The following COL25A1 variants were observed in gnomAD, a reference collection of about 807,000 sequenced individuals.
The protein encoded by COL25A1 is collagen type XXV alpha 1 chain, also known as collagen alpha-1(XXV) chain.
COL25A1 carries 103 observed loss-of-function variants against 128.4 expected under a neutral mutation model. The observed-to-expected ratio is 0.80, with a 90% confidence interval of 0.68 to 0.94. COL25A1 has a LOEUF of 0.94. COL25A1 is among the 40% of genes least tolerant of loss of function. The pLI is 0.00. For synonymous variants in COL25A1, 279 were observed against 277.2 expected (o/e 1.01, Z -0.06); for missense variants, 745 against 840.0 (o/e 0.89, Z 1.40).
chr4:109,082,637 T>A (rs544703992), intron 3 of COL25A1, among the ~76,000 whole-genome samples: 40 of 152,372 alleles, frequency 2.6e-4, no homozygotes, highest in African/African-American at 8.9e-4. Flanking sequence ...ATTTTAAAAT[T>A]GGTTTGTCTT....
chr4:108,863,333 C>T lies in COL25A1; in HGVS notation c.1138G>A (p.Ala380Thr). 1 of 1,613,820 alleles carries T rather than the reference C, an allele frequency of 6.2e-7. No homozygotes were observed. The highest frequency in any genetic ancestry group is 8.5e-7 in the Non-Finnish European group (1 of 1,179,908). ...GAATAACTCACCTTTGGTCCGGGGG[C>T]TCCAGGTTCCCCTCGCTCACCTCTT... The part of the protein sequence containing the change: ...PGRGERGEPG[A>T]PGPKGKQGES... The change falls in exon 21 of 38, where the codon GCC becomes ACC. Residue 380 changes from alanine (A) to threonine (T), a missense_variant. By Grantham distance (58) the Ala-to-Thr change is moderately conservative. Transcript: ENST00000399132.
chr4:108,858,705 A>T (rs573495668), intron 24 of COL25A1, among the ~76,000 whole-genome samples: 1 of 152,306 alleles, frequency 6.6e-6, no homozygotes, highest in Admixed American at 6.5e-5. Flanking sequence ...GTGGAAGAAC[A>T]CAGAGGGAGT....
intron 5 of COL25A1, among the ~76,000 whole-genome samples, chr4:109,047,199 G>C (rs1301895394): frequency 2.0e-5 from 3 of 152,182 alleles, no homozygotes; most frequent in African/African-American, 7.2e-5. Flanking sequence ...ACATTTGGCA[G>C]ACTGGCAAAT....
At chr4:109,237,417 A>T (rs1000249323) in intron 3 of COL25A1, among the ~76,000 whole-genome samples, 1 of 152,030 alleles carries the variant, frequency 6.6e-6, no homozygotes, top group Non-Finnish European at 1.5e-5. Flanking sequence ...TTTGGGGGAA[A>T]ATTAGGGTCC....
At chr4:108,899,593 C>T (rs994786552) in intron 14 of COL25A1, among the ~76,000 whole-genome samples, 1 of 152,026 alleles carries the variant, frequency 6.6e-6, no homozygotes, top group African/African-American at 2.4e-5. Context: ...TCAAAGTGTT[C>T]CCCGGTTCAT....
chr4:108,847,158 G>A (rs564111602), intron 27 of COL25A1, among the ~76,000 whole-genome samples: 48 of 152,042 alleles, frequency 3.2e-4, no homozygotes, highest in African/African-American at 1.1e-3. Flanking sequence ...TGCTCACCTT[G>A]GCCTCCCAAA....
chr4:109,022,837 T>G (rs929799650), intron 5 of COL25A1, among the ~76,000 whole-genome samples: 3 of 152,172 alleles, frequency 2.0e-5, no homozygotes, highest in Non-Finnish European at 2.9e-5. Context: ...TCAAAGGCTG[T>G]GTAACACTGC....
intron 3 of COL25A1, among the ~76,000 whole-genome samples, chr4:109,119,419 GA>G (rs539680382): frequency 6.6e-6 from 1 of 151,862 alleles, no homozygotes; most frequent in Non-Finnish European, 1.5e-5. Context: ...TGGTTCTTTG[GA>G]AAAAATCAAT....
intron 8 of COL25A1, among the ~76,000 whole-genome samples, chr4:108,970,799 G>T (rs1418660925): frequency 6.6e-6 from 1 of 152,052 alleles, no homozygotes; most frequent in Non-Finnish European, 1.5e-5. Flanking sequence ...AGATCATGCA[G>T]TTATTTATCT....
In COL25A1 at chr4:109,066,083, T is replaced by G. The variant is rs549631817; in HGVS notation, c.368-15904A>C. Among the ~76,000 whole-genome samples, 3 of 152,278 alleles carry G rather than the reference T, an allele frequency of 2.0e-5. No individual in the cohort carries two copies. In the East Asian group the frequency reaches 5.8e-4, roughly 29 times the overall value. ...CAAAGCTTAGTGACAGCTGCAGAAA[T>G]GTACTCAGTGAAGCTAAAATAGACT... On this transcript the variant is annotated intron_variant, in intron 3 of 37. Coordinates refer to ENST00000399132, the MANE Select transcript of COL25A1 (RefSeq NM_198721.4).
chr4:109,137,400 C>A (rs974073716), intron 3 of COL25A1, among the ~76,000 whole-genome samples: 13 of 152,170 alleles, frequency 8.5e-5, no homozygotes, highest in Admixed American at 1.3e-4. Context: ...CCTCACTCCT[C>A]AAATTAATCA....
chr4:108,838,435 A>C (rs1734057873), intron 31 of COL25A1, among the ~76,000 whole-genome samples: 1 of 152,218 alleles, frequency 6.6e-6, no homozygotes, highest in African/African-American at 2.4e-5. Context: ...TTGAATTCCT[A>C]AATTTTTCAG....
intron 5 of COL25A1, among the ~76,000 whole-genome samples, chr4:109,029,292 C>G (rs998381139): frequency 1.3e-5 from 2 of 152,130 alleles, no homozygotes; most frequent in African/African-American, 4.8e-5. Flanking sequence ...CACTCCATCC[C>G]GCCCAATACA....
chr4:108,886,442 T>TTGTGTGTG (rs375825376), intron 18 of COL25A1, among the ~76,000 whole-genome samples: 11 of 81,376 alleles, frequency 1.4e-4, no homozygotes, highest in African/African-American at 5.2e-4. Context: ...CTATGAGATT[T>TTGTGTGTG]TGTGTGTGTG....
chr4:109,147,731 C>T (rs1361194124), intron 3 of COL25A1, among the ~76,000 whole-genome samples: 7 of 151,178 alleles, frequency 4.6e-5, no homozygotes, highest in East Asian at 2.0e-4. Context: ...GCACAAGAAT[C>T]GCTTGAACCC....
intron 13 of COL25A1, among the ~76,000 whole-genome samples, chr4:108,910,998 A>G (rs2125883219): frequency 6.6e-6 from 1 of 152,318 alleles, no homozygotes; most frequent in East Asian, 1.9e-4. Context: ...CTGGTGTCAA[A>G]TAAATGGAAC....
chr4:108,856,807 T>C (rs1736570264), intron 24 of COL25A1, among the ~76,000 whole-genome samples: 1 of 152,132 alleles, frequency 6.6e-6, no homozygotes, highest in South Asian at 2.1e-4. Context: ...TGTCACATTT[T>C]TTAAAAAGTA....
chr4:109,176,059 C>G (rs1387071909), intron 3 of COL25A1, among the ~76,000 whole-genome samples: 1 of 152,136 alleles, frequency 6.6e-6, no homozygotes, highest in South Asian at 2.1e-4. Flanking sequence ...ATTTATCAGA[C>G]ACCTACCAGG....
chr4:108,973,672 C>G lies in COL25A1; in HGVS notation c.492+695G>C, dbSNP rs917473396. Among the ~76,000 whole-genome samples the G allele has an allele frequency of 1.4e-3, 208 of 152,230 alleles. 2 individuals are homozygous for G. The highest frequency in any genetic ancestry group is 2.8e-3 in the Non-Finnish European group (189 of 68,012). The stretch of plus-strand genomic sequence containing the variant: ...AATTGAGAGGTATGTCGAACGGAGC[C>G]ACTACATCATTGAAACAGTATGTCT... On this transcript the variant is annotated intron_variant, in intron 8 of 37. Transcript: ENST00000399132.
Sources: gnomAD v4.1 joint callset for allele counts (sites outside exome capture counted in the v4.1 genomes callset) on GRCh38, gnomAD v4.1.1 for gene constraint, MANE v1.5 for transcripts, NCBI Gene and HGNC (gene_info 2026-07-23, HGNC 2026-07-21) for gene names.